Variants in RUFY4 observed in about 807,000 individuals in gnomAD.
RUFY4 encodes the protein RUN and FYVE domain-containing protein 4.
RUFY4 carries 73 observed loss-of-function variants against 69.0 expected under a neutral mutation model. The observed-to-expected ratio is 1.06, with a 90% confidence interval of 0.88 to 1.29. The LOEUF (loss-of-function observed/expected upper bound fraction) is 1.29. Among genes scored for constraint, RUFY4 ranks in the 50% most tolerant of loss-of-function variants. The pLI, the probability that RUFY4 is intolerant of heterozygous loss-of-function variation, is 0.00. For missense variants in RUFY4, 770 were observed against 705.6 expected, an observed-to-expected ratio of 1.09 and a Z score of -1.03; for synonymous variants, 287 against 271.8, an observed-to-expected ratio of 1.06 and a Z score of -0.55.
exon 3 of RUFY4, chr2:218,072,465 T>G: frequency 6.5e-7 from 1 of 1,537,248 alleles, no homozygotes; most frequent in South Asian, 1.2e-5. Context: ...CGGGGAAACA[T>G]GGAGCCAATC....
intron 3 of RUFY4, among the ~76,000 whole-genome samples, chr2:218,061,924 T>A (rs967379617): frequency 3.3e-5 from 5 of 152,250 alleles, no homozygotes; most frequent in African/African-American, 1.2e-4. Flanking sequence ...AATCTCTTTG[T>A]GCACCCTTCT....
chr2:218,041,451 A>G (rs999747842), intron 2 of RUFY4, among the ~76,000 whole-genome samples: 4 of 152,332 alleles, frequency 2.6e-5, no homozygotes, highest in African/African-American at 9.6e-5. Flanking sequence ...TAGGTCTGAG[A>G]CATAATAAAA....
At chr2:218,088,472 A>G (rs74781097) in intron 9 of RUFY4, among the ~76,000 whole-genome samples, 427 of 151,702 alleles carry the variant, frequency 2.8e-3, no homozygotes, top group African/African-American at 9.8e-3. Flanking sequence ...AAAAAAAAAG[A>G]AAAGAAAAAA....
upstream of RUFY4, among the ~76,000 whole-genome samples, chr2:218,066,773 T>C (rs1689342579): frequency 1.3e-5 from 2 of 152,254 alleles, no homozygotes; most frequent in African/African-American, 4.8e-5. Context: ...TTCTGAAATG[T>C]CTGTTTTCTG....
intron 3 of RUFY4, chr2:218,059,347 C>T (rs574229539): frequency 1.2e-5 from 2 of 163,562 alleles, no homozygotes; most frequent in African/African-American, 4.8e-5. Context: ...TATTGTACAA[C>T]TATCACTACT....
chr2:218,053,663 C>A (rs920246290), intron 2 of RUFY4, among the ~76,000 whole-genome samples: 3 of 152,220 alleles, frequency 2.0e-5, no homozygotes, highest in Admixed American at 2.0e-4. Flanking sequence ...GCGTCTGCCA[C>A]CGCGCCCGGC....
At chr2:218,067,379 C>A (rs1689364999), upstream of RUFY4, among the ~76,000 whole-genome samples, 1 of 152,210 alleles carries the variant, frequency 6.6e-6, no homozygotes, top group Non-Finnish European at 1.5e-5. Flanking sequence ...GGCAGGCAGC[C>A]CAGATGTCCG....
intron 2 of RUFY4, among the ~76,000 whole-genome samples, chr2:218,047,363 C>T (rs1056215958): frequency 6.6e-6 from 1 of 152,178 alleles, no homozygotes; most frequent in African/African-American, 2.4e-5. Context: ...AAATAAAGTT[C>T]TTCTTTCATA....
intron 8 of RUFY4, among the ~76,000 whole-genome samples, chr2:218,077,147 C>A (rs137855344): frequency 2.9e-4 from 44 of 152,272 alleles, no homozygotes; most frequent in African/African-American, 1.0e-3. Flanking sequence ...AGCGGGGGAG[C>A]TGAGATTCAA....
At chr2:218,063,048 C>T (rs551740781) in intron 3 of RUFY4, among the ~76,000 whole-genome samples, 24 of 152,370 alleles carry the variant, frequency 1.6e-4, no homozygotes, top group African/African-American at 5.8e-4. Flanking sequence ...GCCCTTGCTA[C>T]AGGGACAGGA....
exon 1 of RUFY4, chr2:218,070,612 G>A: frequency 6.5e-7 from 1 of 1,537,618 alleles, no homozygotes; most frequent in South Asian, 1.2e-5. Flanking sequence ...ACCCATGGCA[G>A]AAGAGGGAGC....
chr2:218,076,067 G>GT (rs1689625065), intron 7 of RUFY4, among the ~76,000 whole-genome samples: 1 of 152,138 alleles, frequency 6.6e-6, no homozygotes, highest in Non-Finnish European at 1.5e-5. Flanking sequence ...CCTCATGATG[G>GT]TAAGTCTCTT....
At chr2:218,055,834 T>A (rs563559559) in intron 2 of RUFY4, among the ~76,000 whole-genome samples, 2 of 152,348 alleles carry the variant, frequency 1.3e-5, no homozygotes, top group African/African-American at 4.8e-5. Flanking sequence ...AACTTCATGC[T>A]TAGGCAGCTT....
chr2:218,055,030 G>A (rs1379055652), intron 2 of RUFY4, among the ~76,000 whole-genome samples: 5 of 152,098 alleles, frequency 3.3e-5, no homozygotes, highest in Non-Finnish European at 4.4e-5. Context: ...ACCTATTTCC[G>A]GGTACTGCAG....
intron 3 of RUFY4, 89 bp from the exon 6 acceptor site, chr2:218,072,690 G>C: frequency 7.7e-7 from 1 of 1,305,568 alleles, no homozygotes; most frequent in Non-Finnish European, 1.0e-6. Flanking sequence ...CCTTCCCATT[G>C]CCAAGCACTT....
intron 2 of RUFY4, among the ~76,000 whole-genome samples, chr2:218,041,990 C>T (rs190589159): frequency 2.2e-4 from 33 of 152,284 alleles, no homozygotes; most frequent in African/African-American, 7.5e-4. Context: ...TAACAGCTAC[C>T]CTGGGATGTA....
chr2:218,039,262 T>A (rs1313338228), intron 2 of RUFY4, among the ~76,000 whole-genome samples: 1 of 152,104 alleles, frequency 6.6e-6, no homozygotes, highest in Non-Finnish European at 1.5e-5. Context: ...AGGGCAAGAT[T>A]TACACTACCA....
At chr2:218,060,855 G>T (rs1480535532) in intron 3 of RUFY4, 2 of 1,495,338 alleles carry the variant, frequency 1.3e-6, no homozygotes, top group African/African-American at 1.4e-5. Flanking sequence ...AACATTGGAT[G>T]GGTAGAAGGT....
At chr2:218,070,227 C>T, upstream of RUFY4, 1 of 291,638 alleles carries the variant, frequency 3.4e-6, no homozygotes, top group Non-Finnish European at 6.8e-6. Flanking sequence ...GAGTTCAAGT[C>T]CTGGGTACCT....
Sources: allele counts gnomAD v4.1 joint callset (sites outside exome capture counted in the v4.1 genomes callset), GRCh38; gene constraint gnomAD v4.1.1; transcripts MANE v1.5; gene names NCBI Gene and HGNC (gene_info 2026-07-23, HGNC 2026-07-21).